KDM4C: variants seen among roughly 807,000 people sequenced by gnomAD.
KDM4C encodes the protein lysine-specific demethylase 4C.
A neutral mutation model predicts 129.3 loss-of-function variants in KDM4C; 81 were observed. That is an observed-to-expected ratio of 0.63 (90% CI 0.52 to 0.75). KDM4C has a LOEUF of 0.75. KDM4C is among the 30% of genes least tolerant of loss of function. KDM4C has a pLI of 0.00. For missense variants in KDM4C, 1,457 were observed against 1,304.0 expected (o/e 1.12, Z -1.81); for synonymous variants, 573 against 456.1 (o/e 1.26, Z -3.26).
chr9:6,722,912 G>C (rs548150657), intron 1 of KDM4C, among the ~76,000 whole-genome samples: 122 of 152,214 alleles, frequency 8.0e-4, no homozygotes, highest in African/African-American at 2.7e-3. Context: ...GAGCCCAGGA[G>C]GTTGAGGTTG....
intron 4 of KDM4C, among the ~76,000 whole-genome samples, chr9:6,826,233 T>C (rs1435548338): frequency 1.3e-5 from 2 of 152,138 alleles, no homozygotes; most frequent in African/African-American, 4.8e-5. Context: ...TGTCCTATTC[T>C]TTCCATTTTG....
At chr9:6,834,687 A>T (rs543529015) in intron 4 of KDM4C, 59 of 842,846 alleles carry the variant, frequency 7.0e-5, no homozygotes, top group Non-Finnish European at 1.0e-4. Flanking sequence ...ATCATTACCA[A>T]CTGGGACAAC....
intron 12 of KDM4C, among the ~76,000 whole-genome samples, chr9:7,010,045 C>G (rs1822408199): frequency 6.6e-6 from 1 of 152,154 alleles, no homozygotes; most frequent in Admixed American, 6.5e-5. Flanking sequence ...TTTGTCACAA[C>G]ATATGCACAC....
At chr9:6,832,115 G>C (rs893635460) in intron 4 of KDM4C, among the ~76,000 whole-genome samples, 52 of 152,142 alleles carry the variant, frequency 3.4e-4, no homozygotes, top group African/African-American at 1.2e-3. Context: ...GAGGCGGGTG[G>C]ATCACAAGGT....
Position 7,103,806 on chromosome 9 carries a change from A to C in KDM4C, c.2546A>C (p.Glu849Ala), listed in dbSNP as rs150305728. 2.5e-6 allele frequency: 4 copies of C among 1,613,972 alleles called. No homozygotes were observed. In the Admixed American group the frequency reaches 6.7e-5, roughly 27 times the overall value. Residue 849 changes from glutamate (E) to alanine (A), a missense_variant, in exon 18 of 22, where the codon GAG becomes GCG. Glu to Ala is a moderately radical substitution (Grantham distance 107). Transcript: ENST00000381309. The part of the protein sequence containing the change: ...TCAHAAGVLM[E>A]PDDWPYVVNI... ...GCCCATGCTGCTGGGGTACTGATGGAGCCTGATGACTGGCCTTATGTGGTG... is the reference window on the plus strand; with the variant it reads ...GCCCATGCTGCTGGGGTACTGATGGCGCCTGATGACTGGCCTTATGTGGTG...
chr9:6,828,661 G>T (rs964903215), intron 4 of KDM4C, among the ~76,000 whole-genome samples: 1 of 144,970 alleles, frequency 6.9e-6, no homozygotes, highest in Non-Finnish European at 1.5e-5. Context: ...ACCTGAGGTT[G>T]GGAGTTCGAG....
chr9:7,040,830 C>G (rs1828468511), intron 15 of KDM4C, among the ~76,000 whole-genome samples: 1 of 150,758 alleles, frequency 6.6e-6, no homozygotes, highest in Non-Finnish European at 1.5e-5. Context: ...TATTTGGTTT[C>G]CAGAATTTTG....
intron 17 of KDM4C, among the ~76,000 whole-genome samples, chr9:7,079,990 C>T (rs1482966886): frequency 6.6e-6 from 1 of 151,588 alleles, no homozygotes; most frequent in Non-Finnish European, 1.5e-5. Context: ...GCTTTGAGGG[C>T]AAGTCTCAAA....
chr9:6,753,600 G>A (rs11787612), upstream of KDM4C, among the ~76,000 whole-genome samples: 60,741 of 151,870 alleles, frequency 0.4, 12,917 homozygotes, highest in African/African-American at 0.55. Flanking sequence ...ATGAACAGAA[G>A]TTTATCGGCT....
rs190229290 is a variant in KDM4C, at chr9:6,837,804, T to C, written c.436-11703T>C. 5.5e-3 allele frequency among the ~76,000 whole-genome samples: 844 copies of C among 152,338 alleles called. 7 individuals carry two copies. Among genetic ancestry groups the C allele is most frequent in the African/African-American group, 0.019 (801 of 41,590 alleles). On this transcript the variant is annotated intron_variant, in intron 4 of 21. Coordinates refer to ENST00000381309, the MANE Select transcript of KDM4C (RefSeq NM_015061.6). ...ACTATTTTGTTTGTCTTATTTACAATGTCTTTTAATGAACAAATGTCTTAA... is the reference window on the plus strand; with the variant it reads ...ACTATTTTGTTTGTCTTATTTACAACGTCTTTTAATGAACAAATGTCTTAA...
At chr9:7,162,950 G>A (rs1452355480) in intron 19 of KDM4C, among the ~76,000 whole-genome samples, 2 of 152,126 alleles carry the variant, frequency 1.3e-5, no homozygotes, top group Non-Finnish European at 2.9e-5. Context: ...ACCTTTATGA[G>A]TGATAAAGCA....
chr9:6,814,423 TGTAAA>T lies in KDM4C; in HGVS notation c.321-203_321-199del, dbSNP rs1475535209. ...TCGTGAAAGTAGTTTTCTAATAAAA[TGTAAA>T]GTAATATTGAGTATTCAGCAATCTT... On this transcript the variant is annotated intron_variant, in intron 3 of 21. Transcript: ENST00000381309. Among the ~76,000 whole-genome samples, 19 of 152,352 alleles carry T rather than the reference TGTAAA, an allele frequency of 1.2e-4. No individual in the cohort carries two copies. The East Asian group carries it at 2.5e-3, about 20-fold the overall frequency.
At chr9:6,942,791 C>G (rs1826192689) in intron 8 of KDM4C, among the ~76,000 whole-genome samples, 2 of 152,092 alleles carry the variant, frequency 1.3e-5, no homozygotes, top group Admixed American at 6.6e-5. Flanking sequence ...AAGCAAAACT[C>G]AAGGAATATA....
At chr9:6,740,472 G>A (rs148410910) in intron 1 of KDM4C, among the ~76,000 whole-genome samples, 4 of 151,786 alleles carry the variant, frequency 2.6e-5, no homozygotes, top group Non-Finnish European at 4.4e-5. Flanking sequence ...CAAAGTGCTG[G>A]GATTACAGGC....
chr9:6,722,809 G>A (rs955639166), intron 1 of KDM4C, among the ~76,000 whole-genome samples: 2 of 151,776 alleles, frequency 1.3e-5, no homozygotes, highest in Non-Finnish European at 2.9e-5. Flanking sequence ...CACCGCATCC[G>A]GCCTACAAAA....
At chr9:6,825,217 CAT>C (rs1238855189) in intron 4 of KDM4C, among the ~76,000 whole-genome samples, 1 of 150,340 alleles carries the variant, frequency 6.7e-6, no homozygotes, top group African/African-American at 2.4e-5. Flanking sequence ...GTTATAAAGT[CAT>C]ATGTCCTATA....
chr9:7,089,550 T>C (rs1835544724), intron 17 of KDM4C, among the ~76,000 whole-genome samples: 1 of 152,256 alleles, frequency 6.6e-6, no homozygotes, highest in Non-Finnish European at 1.5e-5. Flanking sequence ...TCACTGCTTA[T>C]CGCTGCAGCC....
chr9:7,140,330 T>C (rs777070996), intron 19 of KDM4C, among the ~76,000 whole-genome samples: 9 of 152,176 alleles, frequency 5.9e-5, no homozygotes, highest in Non-Finnish European at 1.0e-4. Flanking sequence ...TATGTTTGTT[T>C]TGCTTTTTTG....
At chr9:7,111,847 T>A (rs1039155900) in intron 18 of KDM4C, among the ~76,000 whole-genome samples, 2 of 152,154 alleles carry the variant, frequency 1.3e-5, no homozygotes, top group Admixed American at 1.3e-4. Context: ...ATCTCTCATC[T>A]TCAAGTTAGG....
Sources: gnomAD v4.1 joint callset for allele counts (sites outside exome capture counted in the v4.1 genomes callset) on GRCh38, gnomAD v4.1.1 for gene constraint, MANE v1.5 for transcripts, NCBI Gene and HGNC (gene_info 2026-07-23, HGNC 2026-07-21) for gene names.